CCSER1: variants seen among roughly 807,000 people sequenced by gnomAD.
The protein encoded by CCSER1 is coiled-coil serine rich protein 1.
A neutral mutation model predicts 82.0 loss-of-function variants in CCSER1; 41 were observed. The observed-to-expected ratio is 0.50, with a 90% CI of 0.39 to 0.65. The LOEUF (loss-of-function observed/expected upper bound fraction) is 0.65. CCSER1 is among the 30% of genes least tolerant of loss of function. The probability of loss-of-function intolerance (pLI) is 0.00; values close to 1 mark genes in which losing one functional copy is unlikely to be tolerated. For missense variants in CCSER1, 1,119 were observed against 1,064.2 expected (o/e 1.05, Z -0.72); for synonymous variants, 414 against 383.9 (o/e 1.08, Z -0.92).
chr4:90,577,190 G>A (rs1780867138), intron 5 of CCSER1, among the ~76,000 whole-genome samples: 1 of 151,974 alleles, frequency 6.6e-6, no homozygotes, highest in South Asian at 2.1e-4. Flanking sequence ...ATCTGTTTAG[G>A]TCTTTTTCCC....
chr4:90,246,585 A>G (rs1267650662), intron 1 of CCSER1, among the ~76,000 whole-genome samples: 1 of 152,080 alleles, frequency 6.6e-6, no homozygotes, highest in Non-Finnish European at 1.5e-5. Flanking sequence ...ATGTTTATTG[A>G]GTCTCTGCTG....
intron 5 of CCSER1, among the ~76,000 whole-genome samples, chr4:90,606,036 T>TTTCC (rs1353924081): frequency 1.6e-4 from 24 of 152,166 alleles, no homozygotes; most frequent in Non-Finnish European, 3.2e-4. Flanking sequence ...TACCTATTGA[T>TTTCC]TATAATTTCA....
At chr4:91,322,155 C>A (rs975217023) in intron 10 of CCSER1, among the ~76,000 whole-genome samples, 5 of 152,046 alleles carry the variant, frequency 3.3e-5, no homozygotes, top group African/African-American at 1.2e-4. Context: ...GGTTAAAAAT[C>A]CACTGAATTA....
chr4:90,163,173 T>C (rs185493659), intron 1 of CCSER1, among the ~76,000 whole-genome samples: 94 of 152,280 alleles, frequency 6.2e-4, no homozygotes, highest in African/African-American at 2.2e-3. Flanking sequence ...TGTTTATGTT[T>C]TTCTGACATT....
At chr4:91,357,567 T>TA (rs982678231) in intron 10 of CCSER1, among the ~76,000 whole-genome samples, 25 of 152,230 alleles carry the variant, frequency 1.6e-4, no homozygotes, top group African/African-American at 6.0e-4. Context: ...TTAATGTAGG[T>TA]AAAAATCTAC....
intron 10 of CCSER1, among the ~76,000 whole-genome samples, chr4:91,453,879 G>C (rs1755999522): frequency 6.6e-6 from 1 of 152,046 alleles, no homozygotes; most frequent in Non-Finnish European, 1.5e-5. Flanking sequence ...GGATACACAA[G>C]TGGATGTGTG....
chr4:91,249,788 A>G (rs1412477701), intron 10 of CCSER1, among the ~76,000 whole-genome samples: 1 of 152,122 alleles, frequency 6.6e-6, no homozygotes, highest in Non-Finnish European at 1.5e-5. Context: ...TGGGTATCAG[A>G]TACTCAATAT....
rs527786160 is a variant in CCSER1 at position 90,700,353 on chromosome 4, A to G, written c.1933-23561A>G. Among the ~76,000 whole-genome samples the G allele has an allele frequency of 1.6e-3, 243 of 152,046 alleles. 1 individual carries two copies. Among genetic ancestry groups the G allele is most frequent in the Non-Finnish European group, 2.7e-3 (182 of 67,976 alleles). ...TTATGGCTGCATAGTATTCCATGGT[A>G]TATATGTGCCACATTTTCTTAATTC... is the stretch of plus-strand genomic sequence containing the variant. On this transcript the variant is annotated intron_variant, in intron 6 of 10. Coordinates refer to ENST00000509176, the MANE Select transcript of CCSER1 (RefSeq NM_001145065.2).
At chr4:91,483,197 C>T (rs551055113) in intron 10 of CCSER1, among the ~76,000 whole-genome samples, 5 of 151,860 alleles carry the variant, frequency 3.3e-5, no homozygotes, top group African/African-American at 9.7e-5. Context: ...CATACTCTAT[C>T]TGATAAAATA....
At chr4:91,507,267 T>G (rs78233635) in intron 10 of CCSER1, among the ~76,000 whole-genome samples, 2,105 of 152,278 alleles carry the variant, frequency 0.014, 21 homozygotes, top group African/African-American at 0.031. Flanking sequence ...GGATTTCAAT[T>G]TCTCCACATC....
At chr4:91,155,643 TTCTC>T (rs1434120284) in intron 10 of CCSER1, among the ~76,000 whole-genome samples, 4 of 152,012 alleles carry the variant, frequency 2.6e-5, no homozygotes, top group African/African-American at 7.2e-5. Context: ...AATGAATTAC[TTCTC>T]TCTTTTACTT....
chr4:91,212,443 C>A (rs1293215730), intron 10 of CCSER1, among the ~76,000 whole-genome samples: 1 of 151,898 alleles, frequency 6.6e-6, no homozygotes, highest in Non-Finnish European at 1.5e-5. Flanking sequence ...GTGGTTCTAG[C>A]GTATGTCTGA....
intron 5 of CCSER1, among the ~76,000 whole-genome samples, chr4:90,578,107 G>A (rs1780972075): frequency 1.3e-5 from 2 of 151,684 alleles, no homozygotes; most frequent in African/African-American, 4.8e-5. Context: ...ATACAACTTG[G>A]GAATAAAATA....
chr4:90,795,859 TG>T (rs1161950484), intron 7 of CCSER1, among the ~76,000 whole-genome samples: 1 of 151,554 alleles, frequency 6.6e-6, no homozygotes, highest in African/African-American at 2.4e-5. Flanking sequence ...TTGATTATGG[TG>T]GATAAGCATT....
rs548265945 is a variant in CCSER1, at chr4:91,232,659, A to G, written c.2217+146665A>G. 1.6e-4 allele frequency among the ~76,000 whole-genome samples: 24 copies of G among 151,952 alleles called. No homozygotes were observed. The East Asian group carries it at 3.3e-3, about 21-fold the overall frequency. On this transcript the variant is annotated intron_variant, in intron 10 of 10. Coordinates refer to ENST00000509176, the MANE Select transcript of CCSER1 (RefSeq NM_001145065.2). ...TATATCACATATATACAATGTATAA[A>G]TTATATAATCTGTATTTATATTGAA...
intron 6 of CCSER1, among the ~76,000 whole-genome samples, chr4:90,691,535 T>C (rs1020702982): frequency 6.9e-6 from 1 of 145,894 alleles, no homozygotes; most frequent in East Asian, 2.2e-4. Flanking sequence ...ATCACACGTA[T>C]AATACATGTG....
At chr4:91,388,172 C>G (rs560216442) in intron 10 of CCSER1, among the ~76,000 whole-genome samples, 4 of 152,048 alleles carry the variant, frequency 2.6e-5, no homozygotes, top group Non-Finnish European at 5.9e-5. Flanking sequence ...TGAATCACCA[C>G]ACCCAGCTTG....
chr4:90,567,938 T>G (rs1779603664), intron 5 of CCSER1, among the ~76,000 whole-genome samples: 1 of 152,240 alleles, frequency 6.6e-6, no homozygotes, highest in Non-Finnish European at 1.5e-5. Context: ...TACTTTTAAT[T>G]TCTTCATTGA....
chr4:91,393,709 C>A (rs1751799281), intron 10 of CCSER1, among the ~76,000 whole-genome samples: 1 of 151,708 alleles, frequency 6.6e-6, no homozygotes, highest in African/African-American at 2.4e-5. Flanking sequence ...TATCTAATTT[C>A]TTTTTTTCAA....
Sources: gnomAD v4.1 joint callset for allele counts (sites outside exome capture counted in the v4.1 genomes callset) on GRCh38, gnomAD v4.1.1 for gene constraint, MANE v1.5 for transcripts, NCBI Gene and HGNC (gene_info 2026-07-23, HGNC 2026-07-21) for gene names.